Variants in FNBP1 observed in about 807,000 individuals in gnomAD.
The protein encoded by FNBP1 is formin binding protein 1.
A neutral mutation model predicts 90.6 loss-of-function variants in FNBP1; 26 were observed. That is an observed-to-expected ratio of 0.29 (90% confidence interval 0.21 to 0.40). The LOEUF (loss-of-function observed/expected upper bound fraction) is 0.40. FNBP1 is among the 10% of genes least tolerant of loss of function. FNBP1 has a pLI of 1.00. For synonymous variants in FNBP1, 260 were observed against 265.2 expected, an observed-to-expected ratio of 0.98 and a Z score of 0.19; for missense variants, 635 against 768.0, an observed-to-expected ratio of 0.83 and a Z score of 2.05.
intron 11 of FNBP1, among the ~76,000 whole-genome samples, chr9:129,910,746 G>A (rs542445923): frequency 6.6e-6 from 1 of 152,200 alleles, no homozygotes; most frequent in South Asian, 2.1e-4. Context: ...GTGCTGGGAA[G>A]TGTGTGATTC....
intron 8 of FNBP1, among the ~76,000 whole-genome samples, chr9:129,925,821 T>C (rs1009093348): frequency 6.6e-6 from 1 of 151,716 alleles, no homozygotes; most frequent in Non-Finnish European, 1.5e-5. Flanking sequence ...CTCAAATTCT[T>C]GACCTCAGGT....
At chr9:130,033,303 G>T (rs1422396241) in intron 1 of FNBP1, among the ~76,000 whole-genome samples, 1 of 152,102 alleles carries the variant, frequency 6.6e-6, no homozygotes, top group Non-Finnish European at 1.5e-5. Flanking sequence ...ATTAGATTAG[G>T]TAAGCAAGGC....
chr9:129,944,539 CAAAA>C (rs34283195), intron 6 of FNBP1, among the ~76,000 whole-genome samples: 4 of 114,494 alleles, frequency 3.5e-5, no homozygotes, highest in Non-Finnish European at 5.6e-5. Flanking sequence ...GACTGCGTCT[CAAAA>C]AAAAAAAAAA....
At chr9:129,983,502 A>G (rs2051623025) in intron 2 of FNBP1, among the ~76,000 whole-genome samples, 1 of 152,110 alleles carries the variant, frequency 6.6e-6, no homozygotes, top group Admixed American at 6.6e-5. Flanking sequence ...TTTTTGCCCT[A>G]TTTGTATTAC....
chr9:129,890,526 C>T lies in FNBP1; in HGVS notation c.*13G>A, dbSNP rs2034997432. The T allele has an allele frequency of 1.3e-6, 2 of 1,584,952 alleles. No homozygotes were observed. Among genetic ancestry groups the T allele is most frequent in the Non-Finnish European group, 1.7e-6 (2 of 1,166,416 alleles). On this transcript the variant is annotated 3_prime_UTR_variant, in exon 17 of 17. Transcript: ENST00000446176. This position sits in a 1 kb window ranked among gnomAD's most constrained non-coding sequence, Gnocchi z 5.8. ...TCCAGGAAGGCTCACCCGAGGCTCG[C>T]AGGCACTCCCCTCTAGGAATCTACA... is the stretch of plus-strand genomic sequence containing the variant.
intron 12 of FNBP1, among the ~76,000 whole-genome samples, chr9:129,905,118 T>A (rs1476512159): frequency 6.6e-6 from 1 of 151,742 alleles, no homozygotes; most frequent in Non-Finnish European, 1.5e-5. Flanking sequence ...GGCCCACACC[T>A]CCCACTACCT....
At chr9:129,980,129 GCAGA>G (rs1172061947) in intron 2 of FNBP1, among the ~76,000 whole-genome samples, 2 of 151,336 alleles carry the variant, frequency 1.3e-5, no homozygotes, top group Admixed American at 1.3e-4. Context: ...GGAGGCCGTG[GCAGA>G]CAGATCACCT....
At chr9:129,895,678 A>G (rs2047836) in intron 16 of FNBP1, 160 bp downstream of exon 16, 1,277,798 of 1,278,258 alleles carry the variant, frequency 1, 638,672 homozygotes, top group East Asian at 1. Context: ...TCAGGTGCCC[A>G]GACCCTGAAG....
intron 12 of FNBP1, among the ~76,000 whole-genome samples, chr9:129,904,097 C>T (rs1695453034): frequency 6.6e-6 from 1 of 152,184 alleles, no homozygotes; most frequent in African/African-American, 2.4e-5. Flanking sequence ...ATTCTTCATG[C>T]AAACCAAAGC....
chr9:129,905,288 G>A (rs1298857378), intron 12 of FNBP1, among the ~76,000 whole-genome samples: 1 of 66,066 alleles, frequency 1.5e-5, no homozygotes, highest in South Asian at 8.7e-4. Flanking sequence ...GTGTGTGTGT[G>A]TGTGTGTATA....
chr9:129,916,069 G>C lies in FNBP1; in HGVS notation c.1171-89C>G, dbSNP rs2040216404. 5.1e-5 allele frequency: 48 copies of C among 936,724 alleles called. 1 individual carries two copies. In the South Asian group the frequency reaches 6.8e-4, roughly 13 times the overall value. 58.0% of individuals were successfully genotyped at this position (936,724 alleles called of 1,614,324 possible). A position where few individuals can be genotyped will look rare whatever the true frequency, so the allele number is the denominator to read the frequency against. On this transcript the variant is annotated intron_variant, in intron 10 of 16. Transcript: ENST00000446176. The stretch of plus-strand genomic sequence containing the variant: ...AAAACAACAACACATCAGAAGAAGA[G>C]GAACTTGGTCAGTTCCGCCATATTA...
chr9:130,015,643 T>C (rs1456306315), intron 1 of FNBP1, among the ~76,000 whole-genome samples: 1 of 152,230 alleles, frequency 6.6e-6, no homozygotes, highest in Non-Finnish European at 1.5e-5. Context: ...CCTTATTTGG[T>C]AGGCAAATTG....
intron 12 of FNBP1, among the ~76,000 whole-genome samples, chr9:129,906,621 T>C (rs2038108990): frequency 6.6e-6 from 1 of 152,178 alleles, no homozygotes; most frequent in Admixed American, 6.6e-5. Flanking sequence ...GAACTATGAG[T>C]CCATGAAACC....
At chr9:130,004,926 C>G (rs1378691432) in intron 1 of FNBP1, among the ~76,000 whole-genome samples, 1 of 152,014 alleles carries the variant, frequency 6.6e-6, no homozygotes, top group Non-Finnish European at 1.5e-5. Flanking sequence ...ATTAGCCATG[C>G]ATGGTGGCAG....
At chr9:129,897,741 C>A (rs1042039527) in intron 15 of FNBP1, among the ~76,000 whole-genome samples, 4 of 152,062 alleles carry the variant, frequency 2.6e-5, no homozygotes, top group Non-Finnish European at 4.4e-5. Flanking sequence ...CTGAGCCTGG[C>A]CTGAGAGCTT....
At chr9:130,036,387 A>G (rs1203487063) in intron 1 of FNBP1, among the ~76,000 whole-genome samples, 1 of 152,234 alleles carries the variant, frequency 6.6e-6, no homozygotes, top group African/African-American at 2.4e-5. Flanking sequence ...GTGTTCACAT[A>G]GTAAGTATAG....
intron 6 of FNBP1, among the ~76,000 whole-genome samples, chr9:129,938,033 G>A (rs912991272): frequency 2.6e-5 from 4 of 152,018 alleles, no homozygotes; most frequent in African/African-American, 4.8e-5. Flanking sequence ...GTGTGGTGGT[G>A]CGTGCCTGTA....
At chr9:129,969,502 CAATT>C (rs1341331736) in intron 4 of FNBP1, among the ~76,000 whole-genome samples, 1 of 152,174 alleles carries the variant, frequency 6.6e-6, no homozygotes, top group Non-Finnish European at 1.5e-5. Context: ...AAACAATACA[CAATT>C]AGGCAAATTA....
chr9:129,986,052 C>T (rs2052168014), intron 2 of FNBP1, among the ~76,000 whole-genome samples: 1 of 148,892 alleles, frequency 6.7e-6, no homozygotes. Context: ...AGGAGAATTG[C>T]TTGAACCCGG....
Sources: allele counts gnomAD v4.1 joint callset (sites outside exome capture counted in the v4.1 genomes callset), GRCh38; gene constraint gnomAD v4.1.1; non-coding constraint Gnocchi (gnomAD v3.1); transcripts MANE v1.5; gene names NCBI Gene and HGNC (gene_info 2026-07-23, HGNC 2026-07-21).